Variants in RAB22A observed in about 807,000 individuals in gnomAD.
RAB22A encodes the protein ras-related protein Rab-22A.
In RAB22A, 13 loss-of-function variants were observed where a neutral mutation model predicts 30.2. That is an observed-to-expected ratio of 0.43 (90% CI 0.28 to 0.68). RAB22A has a LOEUF of 0.68. Ranked by LOEUF, RAB22A falls within the 30% of genes least tolerant of loss-of-function variation. RAB22A has a pLI of 0.18. For missense variants in RAB22A, 177 were observed against 246.8 expected (o/e 0.72, Z 1.89); for synonymous variants, 89 against 87.2 (o/e 1.02, Z -0.11).
At position 58,309,963 on chromosome 20, in the gene RAB22A, C is replaced by T; in HGVS notation, c.-14C>T. The T allele has an allele frequency of 1.6e-6, 2 of 1,264,780 alleles. No individual in the cohort carries two copies. Among genetic ancestry groups the T allele is most frequent in the Non-Finnish European group, 2.0e-6 (2 of 997,356 alleles). The allele number at this position is 1,264,780 out of a possible 1,614,324, so 78.3% of individuals were successfully genotyped here. A position where few individuals can be genotyped will look rare whatever the true frequency, so the allele number is the denominator to read the frequency against. On this transcript the variant is annotated 5_prime_UTR_variant, in exon 1 of 7. Coordinates refer to ENST00000244040, the MANE Select transcript of RAB22A (RefSeq NM_020673.3). ...TTAGGGCGGCGGCGGGCCCGCGCCC[C>T]TGGCTCCCGGGCCATGGCGCTGAGG...
chr20:58,354,112 A>G, intron 5 of RAB22A, 44 bp from the exon 6 acceptor site: 1 of 1,440,410 alleles, frequency 6.9e-7, no homozygotes, highest in Non-Finnish European at 9.7e-7. Flanking sequence ...TACAACTAAG[A>G]TCTTCATGGG....
intron 2 of RAB22A, among the ~76,000 whole-genome samples, chr20:58,329,987 A>G (rs531825524): frequency 1.6e-4 from 25 of 152,314 alleles, no homozygotes; most frequent in African/African-American, 5.1e-4. Flanking sequence ...TGTACTAAAC[A>G]TATATACAGA....
intron 2 of RAB22A, among the ~76,000 whole-genome samples, chr20:58,314,476 T>C (rs1363129623): frequency 2.6e-5 from 4 of 152,206 alleles, no homozygotes; most frequent in Non-Finnish European, 5.9e-5. Context: ...ACTCCTACAG[T>C]GATCAGTAAA....
intron 2 of RAB22A, among the ~76,000 whole-genome samples, chr20:58,317,918 C>T (rs1986376334): frequency 6.6e-6 from 1 of 152,074 alleles, no homozygotes. Context: ...GGCTGAGGGA[C>T]ACTTTGAGCT....
intron 3 of RAB22A, among the ~76,000 whole-genome samples, chr20:58,351,249 T>C (rs1469903215): frequency 6.6e-6 from 1 of 151,536 alleles, no homozygotes; most frequent in Non-Finnish European, 1.5e-5. Flanking sequence ...GGCACAAGAA[T>C]TGCTTGAACC....
At chr20:58,352,198 A>T (rs1204345244) in intron 3 of RAB22A, among the ~76,000 whole-genome samples, 1 of 152,192 alleles carries the variant, frequency 6.6e-6, no homozygotes, top group East Asian at 1.9e-4. Flanking sequence ...TTTTAAATTT[A>T]TCGTAAAACT....
rs1218247896 is a variant in RAB22A, at chr20:58,363,387, C to T, written c.*3684C>T. ...ACGGATGAGCCCCCCTAAACATCCACGTGTCTCTGCAGGAACCTGTGTAAG... is the reference window on the plus strand; with the variant it reads ...ACGGATGAGCCCCCCTAAACATCCATGTGTCTCTGCAGGAACCTGTGTAAG... On this transcript the variant is annotated 3_prime_UTR_variant, in exon 7 of 7. Coordinates refer to ENST00000244040, the MANE Select transcript of RAB22A (RefSeq NM_020673.3). 2.0e-5 allele frequency: 3 copies of T among 152,178 alleles called. No homozygotes were observed. Among genetic ancestry groups the T allele is most frequent in the African/African-American group, 7.2e-5 (3 of 41,426 alleles). 9.4% of individuals were successfully genotyped at this position (152,178 alleles called of 1,614,324 possible). A position where few individuals can be genotyped will look rare whatever the true frequency, so the allele number is the denominator to read the frequency against.
intron 3 of RAB22A, among the ~76,000 whole-genome samples, chr20:58,346,390 C>T (rs1267135886): frequency 2.0e-5 from 3 of 152,200 alleles, no homozygotes; most frequent in Non-Finnish European, 4.4e-5. Context: ...GCCCAGGCCT[C>T]CCCCGGGGCT....
At chr20:58,340,567 G>A (rs1026943514) in intron 2 of RAB22A, among the ~76,000 whole-genome samples, 4 of 152,166 alleles carry the variant, frequency 2.6e-5, no homozygotes, top group African/African-American at 4.8e-5. Context: ...TAAATGTTTT[G>A]TTGGAGTTCT....
At chr20:58,354,013 C>G in intron 5 of RAB22A, 143 bp from the exon 6 acceptor site, 3 of 556,626 alleles carry the variant, frequency 5.4e-6, no homozygotes, top group South Asian at 5.1e-5. Flanking sequence ...GTGGTGTAAT[C>G]GAGAAGACCA....
chr20:58,325,540 A>T (rs1273409560), intron 2 of RAB22A, among the ~76,000 whole-genome samples: 1 of 151,598 alleles, frequency 6.6e-6, no homozygotes, highest in Non-Finnish European at 1.5e-5. Context: ...TTTATAGATC[A>T]TTTCATCATC....
intron 2 of RAB22A, among the ~76,000 whole-genome samples, chr20:58,321,172 A>C (rs1986451552): frequency 1.3e-5 from 2 of 150,928 alleles, no homozygotes; most frequent in Admixed American, 1.3e-4. Context: ...GCCTGGTGAC[A>C]GAGCAAGACT....
intron 6 of RAB22A, among the ~76,000 whole-genome samples, chr20:58,357,687 G>T (rs1207863449): frequency 6.6e-6 from 1 of 152,152 alleles, no homozygotes; most frequent in Non-Finnish European, 1.5e-5. Flanking sequence ...AGAAGCTTGG[G>T]TAAAGCTTTT....
At chr20:58,351,733 A>C (rs1202442128) in intron 3 of RAB22A, among the ~76,000 whole-genome samples, 3 of 152,204 alleles carry the variant, frequency 2.0e-5, no homozygotes, top group Non-Finnish European at 4.4e-5. Context: ...GAATGGCTTG[A>C]ACCCGGGAGG....
chr20:58,340,856 G>A (rs1044736522), intron 2 of RAB22A, among the ~76,000 whole-genome samples: 2 of 152,168 alleles, frequency 1.3e-5, no homozygotes, highest in Non-Finnish European at 2.9e-5. Flanking sequence ...CCAAACGATG[G>A]GGAGCATCTG....
intron 3 of RAB22A, among the ~76,000 whole-genome samples, chr20:58,349,862 C>T (rs562606569): frequency 7.9e-5 from 12 of 152,300 alleles, no homozygotes; most frequent in African/African-American, 2.6e-4. Context: ...TATGAAGAAA[C>T]AGGAAGGTGT....
At chr20:58,314,213 C>T (rs1020391308) in intron 2 of RAB22A, among the ~76,000 whole-genome samples, 16 of 152,058 alleles carry the variant, frequency 1.1e-4, no homozygotes, top group African/African-American at 2.7e-4. Flanking sequence ...GGAATCTGCC[C>T]GCCACAATGC....
At chr20:58,316,621 G>C (rs1986345970) in intron 2 of RAB22A, among the ~76,000 whole-genome samples, 1 of 152,122 alleles carries the variant, frequency 6.6e-6, no homozygotes, top group South Asian at 2.1e-4. Context: ...TGCTAGAGTA[G>C]AAGATTGGCT....
chr20:58,357,051 C>T (rs1407568740), intron 6 of RAB22A, among the ~76,000 whole-genome samples: 1 of 152,150 alleles, frequency 6.6e-6, no homozygotes, highest in Non-Finnish European at 1.5e-5. Context: ...AGAAAAAATG[C>T]TTGTCATTGA....
Sources: gnomAD v4.1 joint callset for allele counts (sites outside exome capture counted in the v4.1 genomes callset) on GRCh38, gnomAD v4.1.1 for gene constraint, MANE v1.5 for transcripts, NCBI Gene and HGNC (gene_info 2026-07-23, HGNC 2026-07-21) for gene names.